The following PRDM14 variants were observed in gnomAD, a reference collection of about 807,000 sequenced individuals.
The protein encoded by PRDM14 is PR/SET domain 14, also known as PR domain zinc finger protein 14.
In PRDM14, 16 loss-of-function variants were observed where a neutral mutation model predicts 48.0. The observed-to-expected ratio is 0.33, with a 90% CI of 0.23 to 0.51. The LOEUF is 0.51. PRDM14 is among the 20% of genes least tolerant of loss of function. The probability of loss-of-function intolerance (pLI) is 0.97; values close to 1 mark genes in which losing one functional copy is unlikely to be tolerated. For synonymous variants in PRDM14, 264 were observed against 276.6 expected (o/e 0.95, Z 0.45); for missense variants, 566 against 719.6 (o/e 0.79, Z 2.44).
At chr8:70,063,011 C>G (rs1805611270) in intron 5 of PRDM14, among the ~76,000 whole-genome samples, 1 of 135,572 alleles carries the variant, frequency 7.4e-6, no homozygotes, top group Admixed American at 6.8e-5. Flanking sequence ...AGTGGTGCCA[C>G]AGTTAAAAAT....
Position 70,070,530 on chromosome 8 carries a change from C to G in PRDM14, c.-25+620G>C, listed in dbSNP as rs985437514. ...AGCGGTGTGACCCCGCGGGTCCTGG[C>G]GGTCCTGACTGCCCGCAGGGGAGGG... On this transcript the variant is annotated intron_variant, in intron 1 of 7. Transcript: ENST00000276594. 2.6e-5 allele frequency among the ~76,000 whole-genome samples: 4 copies of G among 152,206 alleles called. No homozygotes were observed. The South Asian group carries it at 8.3e-4, about 31-fold the overall frequency.
At chr8:70,052,353 G>T in intron 7 of PRDM14, 49 bp from the exon 8 acceptor site, 2 of 1,450,538 alleles carry the variant, frequency 1.4e-6, no homozygotes, top group Non-Finnish European at 9.5e-7. Flanking sequence ...ACTTCCACGA[G>T]CTGGACAACC....
intron 4 of PRDM14, 151 bp downstream of exon 4, chr8:70,068,079 C>T: frequency 1.2e-6 from 1 of 852,976 alleles, no homozygotes; most frequent in South Asian, 1.7e-5. Context: ...CTGGCCGTTC[C>T]TTCCTTTTAC....
In PRDM14 at chr8:70,068,486, A is replaced by T. The variant is rs1805708079; in HGVS notation, c.747T>A (p.Leu249=). The change falls in exon 3 of 8, where the codon CTT becomes CTA. Residue 249 remains leucine, a synonymous_variant. Coordinates refer to ENST00000276594, the MANE Select transcript of PRDM14 (RefSeq NM_024504.4). ...PQTLDKDSLQ[L]PEGLCLMQTV... ...GCAAGGAGTCCTGCCTACCTTCTGG[A>T]AGTTGAAGGGAGTCTTTATCCAGAG... 1 of 1,614,004 alleles carries T rather than the reference A, an allele frequency of 6.2e-7. No individual in the cohort carries two copies. Among genetic ancestry groups the T allele is most frequent in the African/African-American group, 1.3e-5 (1 of 74,928 alleles).
At position 70,058,684 on chromosome 8, in the gene PRDM14, G is replaced by A. The variant is rs1563439440; in HGVS notation, c.1342C>T (p.Arg448Trp). 6.2e-7 allele frequency: 1 copy of A among 1,614,088 alleles called. No individual in the cohort carries two copies. Among genetic ancestry groups the A allele is most frequent in the Non-Finnish European group, 8.5e-7 (1 of 1,179,988 alleles). The stretch of plus-strand genomic sequence containing the variant: ...TCATGAACATGAAGAATGTGGATCC[G>A]AAGCCGGTCCCGCTTCTCAAAGGAT... Reference protein sequence around the residue: ...KRSFEKRDRLRIHILHVHEKH... With the variant: ...KRSFEKRDRLWIHILHVHEKH... Residue 448 changes from arginine (R) to tryptophan (W), a missense_variant, in exon 6 of 8, where the codon CGG (arginine) becomes TGG (tryptophan). By Grantham distance (101) the Arg-to-Trp change is moderately radical. Around this residue, in one of 3 missense-constraint regions of PRDM14, gnomAD observed 126 missense variants for 271.6 expected, o/e 0.46. Coordinates refer to ENST00000276594, the MANE Select transcript of PRDM14 (RefSeq NM_024504.4).
rs540968663 is a variant in PRDM14, at chr8:70,057,793, C to A, written c.1386+847G>T. Among the ~76,000 whole-genome samples the A allele has an allele frequency of 3.1e-4, 47 of 152,240 alleles. 1 individual carries two copies. In the East Asian group the frequency reaches 6.2e-3, roughly 20 times the overall value. ...AAATCCTTTTAGAATTACACAAATG[C>A]ATGATAACTGTAAATGTATTCAAAT... On this transcript the variant is annotated intron_variant, in intron 6 of 7. Coordinates refer to ENST00000276594, the MANE Select transcript of PRDM14 (RefSeq NM_024504.4).
chr8:70,070,982 T>C (rs1052725608), intron 1 of PRDM14, among the ~76,000 whole-genome samples, 168 bp downstream of exon 1: 6 of 151,926 alleles, frequency 3.9e-5, no homozygotes, highest in East Asian at 1.9e-4. Context: ...AAAGGCGCCC[T>C]TCTCCTAGCC....
rs764232344 is a variant in PRDM14, at chr8:70,068,466, G to A, written c.754+13C>T. The A allele has an allele frequency of 2.5e-6, 4 of 1,614,026 alleles. No homozygotes were observed. The highest frequency in any genetic ancestry group is 1.3e-5 in the African/African-American group (1 of 75,052). Reference sequence around the variant, plus strand: ...GTTCAGGGAAAGAAATCCATGCAAGGAGTCCTGCCTACCTTCTGGAAGTTG... The same window carrying A: ...GTTCAGGGAAAGAAATCCATGCAAGAAGTCCTGCCTACCTTCTGGAAGTTG... On this transcript the variant is annotated intron_variant, in intron 3 of 7. Coordinates refer to ENST00000276594, the MANE Select transcript of PRDM14 (RefSeq NM_024504.4).
At chr8:70,058,464 C>T (rs375805262) in intron 6 of PRDM14, among the ~76,000 whole-genome samples, 176 bp downstream of exon 6, 2 of 152,230 alleles carry the variant, frequency 1.3e-5, no homozygotes, top group African/African-American at 4.8e-5. Context: ...ACATGTGCAT[C>T]GCTGTGCCTA....
intron 5 of PRDM14, among the ~76,000 whole-genome samples, chr8:70,059,391 C>T (rs1167254944): frequency 6.6e-6 from 1 of 151,824 alleles, no homozygotes; most frequent in East Asian, 1.9e-4. Context: ...CCTGCCTCAG[C>T]CTCCCAAGTA....
chr8:70,067,956 A>G (rs1404000681), intron 4 of PRDM14, among the ~76,000 whole-genome samples: 2 of 152,204 alleles, frequency 1.3e-5, no homozygotes, highest in African/African-American at 2.4e-5. Flanking sequence ...ATATAATACA[A>G]CATATTGATT....
In PRDM14 at chr8:70,052,168, T is replaced by A. The variant is rs755647363; in HGVS notation, c.1625A>T (p.Glu542Val). ...GATGCTGCATGAGCAGCCATCATCC[T>A]CCTTGTGTGAACGCCGGACATGGCT... ...HDSHVRRSHKEDDGCSCSICG... is the reference protein window; with the variant it reads ...HDSHVRRSHKVDDGCSCSICG... The change falls in exon 8 of 8, where the codon GAG becomes GTG. Residue 542 changes from glutamate to valine, a missense_variant. Around this residue, in one of 3 missense-constraint regions of PRDM14, gnomAD observed 126 missense variants for 271.6 expected, o/e 0.46. Transcript: ENST00000276594. The A allele has an allele frequency of 1.9e-6, 3 of 1,613,634 alleles. No individual in the cohort carries two copies. The highest frequency in any genetic ancestry group is 1.7e-5 in the Admixed American group (1 of 60,004).
chr8:70,054,494 C>T (rs1479439139), intron 7 of PRDM14, among the ~76,000 whole-genome samples: 2 of 148,212 alleles, frequency 1.3e-5, no homozygotes, highest in South Asian at 2.2e-4. Context: ...TGTTTGTGTT[C>T]TTAAATACTA....
At chr8:70,061,478 C>G (rs1374688568) in intron 5 of PRDM14, among the ~76,000 whole-genome samples, 1 of 152,166 alleles carries the variant, frequency 6.6e-6, no homozygotes, top group Non-Finnish European at 1.5e-5. Context: ...ACCAGGAAGG[C>G]AACTGCCAGC....
At chr8:70,066,943 T>C (rs1400933916) in intron 4 of PRDM14, among the ~76,000 whole-genome samples, 1 of 152,164 alleles carries the variant, frequency 6.6e-6, no homozygotes, top group Non-Finnish European at 1.5e-5. Context: ...TTTCCTAGGC[T>C]GGCCTCAAAC....
rs1305060291 is a variant in PRDM14 at position 70,071,223 on chromosome 8, T to C, written c.-98A>G. The C allele has an allele frequency of 2.0e-5, 3 of 152,058 alleles. No individual in the cohort carries two copies. The highest frequency in any genetic ancestry group is 4.4e-5 in the Non-Finnish European group (3 of 67,990). 9.4% of individuals were successfully genotyped at this position (152,058 alleles called of 1,614,324 possible). On this transcript the variant is annotated 5_prime_UTR_variant, in exon 1 of 8. Transcript: ENST00000276594. This position sits in a 1 kb window ranked among gnomAD's most constrained non-coding sequence, Gnocchi z 5.2. ...ACGCTGCGGGGCCACTCGGGCTCGG[T>C]AGGCCACTCGGGCTCGGTAGACTTC... is the stretch of plus-strand genomic sequence containing the variant.
intron 5 of PRDM14, among the ~76,000 whole-genome samples, chr8:70,061,919 C>A (rs180869622): frequency 2.0e-5 from 3 of 152,246 alleles, no homozygotes; most frequent in African/African-American, 7.2e-5. Context: ...AGAGTCTAGA[C>A]CCTTCCCTCA....
At chr8:70,067,764 G>T (rs907862311) in intron 4 of PRDM14, among the ~76,000 whole-genome samples, 3 of 151,692 alleles carry the variant, frequency 2.0e-5, no homozygotes, top group Non-Finnish European at 2.9e-5. Context: ...GTAATAAACT[G>T]CAGTCCCACT....
In PRDM14 at chr8:70,068,488, G is replaced by T; in HGVS notation, c.745C>A (p.Leu249Ile). The T allele has an allele frequency of 1.2e-6, 2 of 1,614,134 alleles. No individual in the cohort carries two copies. The highest frequency in any genetic ancestry group is 1.7e-6 in the Non-Finnish European group (2 of 1,180,000). Residue 249 changes from leucine (L) to isoleucine (I), a missense_variant, in exon 3 of 8, where the codon CTT becomes ATT. Around this residue, in one of 3 missense-constraint regions of PRDM14, gnomAD observed 410 missense variants for 424.6 expected, o/e 0.97. Transcript: ENST00000276594. Reference protein sequence around the residue: ...PQTLDKDSLQLPEGLCLMQTV... With the variant: ...PQTLDKDSLQIPEGLCLMQTV... ...AAGGAGTCCTGCCTACCTTCTGGAA[G>T]TTGAAGGGAGTCTTTATCCAGAGTT... is the stretch of plus-strand genomic sequence containing the variant.
Sources: allele counts gnomAD v4.1 joint callset (sites outside exome capture counted in the v4.1 genomes callset), GRCh38; gene constraint gnomAD v4.1.1; regional missense constraint gnomAD v4.1.1; non-coding constraint Gnocchi (gnomAD v3.1); transcripts MANE v1.5; gene names NCBI Gene and HGNC (gene_info 2026-07-23, HGNC 2026-07-21).